Variants in LGR6 observed in about 807,000 individuals in gnomAD.
LGR6 encodes the protein leucine-rich repeat-containing G protein-coupled receptor 6.
A neutral mutation model predicts 69.4 loss-of-function variants in LGR6; 45 were observed. The observed-to-expected ratio is 0.65, with a 90% CI of 0.51 to 0.83. The LOEUF (loss-of-function observed/expected upper bound fraction) is 0.83. LGR6 is among the 40% of genes least tolerant of loss of function. The pLI is 0.00. For synonymous variants in LGR6, 538 were observed against 555.0 expected, an observed-to-expected ratio of 0.97 and a Z score of 0.43; for missense variants, 1,108 against 1,246.7, an observed-to-expected ratio of 0.89 and a Z score of 1.68.
chr1:202,252,376 C>G (rs1184317072), intron 4 of LGR6, among the ~76,000 whole-genome samples: 1 of 152,204 alleles, frequency 6.6e-6, no homozygotes, highest in Non-Finnish European at 1.5e-5. Context: ...TTCCATCTGA[C>G]TCTGGGCCTG....
At chr1:202,237,034 C>T (rs1661623567) in intron 4 of LGR6, among the ~76,000 whole-genome samples, 1 of 152,168 alleles carries the variant, frequency 6.6e-6, no homozygotes, top group Non-Finnish European at 1.5e-5. Context: ...AGCTGTGCCA[C>T]ACCCCCCGTG....
intron 6 of LGR6, among the ~76,000 whole-genome samples, chr1:202,286,330 G>T (rs1337646655): frequency 6.6e-6 from 1 of 152,200 alleles, no homozygotes; most frequent in Non-Finnish European, 1.5e-5. Flanking sequence ...CAAGGTAAGT[G>T]CTGATCATCC....
chr1:202,195,389 C>T (rs1370898119), intron 1 of LGR6, among the ~76,000 whole-genome samples: 1 of 152,194 alleles, frequency 6.6e-6, no homozygotes, highest in African/African-American at 2.4e-5. Flanking sequence ...GGCAACTCTT[C>T]ATGGGGCTCC....
intron 4 of LGR6, among the ~76,000 whole-genome samples, chr1:202,271,788 A>G (rs1336967899): frequency 6.8e-6 from 1 of 148,074 alleles, no homozygotes; most frequent in Admixed American, 6.8e-5. Context: ...AGCCTGGGCA[A>G]TAAGAGTGAA....
chr1:202,282,982 C>A (rs1666124217), intron 6 of LGR6, among the ~76,000 whole-genome samples: 1 of 152,220 alleles, frequency 6.6e-6, no homozygotes, highest in African/African-American at 2.4e-5. Flanking sequence ...GGTACAGTGC[C>A]ACTTCTACCA....
intron 10 of LGR6, 23 bp from the exon 11 acceptor site, chr1:202,304,536 C>T (rs1272679884): frequency 2.5e-6 from 4 of 1,584,804 alleles, no homozygotes; most frequent in Non-Finnish European, 3.5e-6. Flanking sequence ...CTGGTGCCAG[C>T]TCTGTCTCTG....
At chr1:202,293,292 A>G (rs1208533135) in intron 6 of LGR6, among the ~76,000 whole-genome samples, 1 of 152,100 alleles carries the variant, frequency 6.6e-6, no homozygotes, top group Non-Finnish European at 1.5e-5. Context: ...CACTTCCTCT[A>G]AGTCATGCTC....
At chr1:202,219,321 G>A (rs1659992019) in intron 1 of LGR6, among the ~76,000 whole-genome samples, 4 of 152,224 alleles carry the variant, frequency 2.6e-5, no homozygotes, top group African/African-American at 9.6e-5. Flanking sequence ...GGCCCTCATG[G>A]GGAGGGGTTG....
Position 202,318,258 on chromosome 1 carries a change from G to A in LGR6, c.1955G>A (p.Gly652Glu). Residue 652 changes from glycine to glutamate, a missense_variant, in exon 18 of 18, where the codon GGG becomes GAG. Physicochemically the swap from Gly to Glu is moderately conservative, Grantham distance 98. Coordinates refer to ENST00000367278, the MANE Select transcript of LGR6 (RefSeq NM_001017403.2). ...CRATGFLAVL[G>E]SEASVLLLTL... ...GCCACTGGCTTCCTGGCAGTACTTG[G>A]GTCGGAGGCATCGGTGCTGCTGCTC... 6.2e-7 allele frequency: 1 copy of A among 1,610,106 alleles called. No individual in the cohort carries two copies. The highest frequency in any genetic ancestry group is 8.5e-7 in the Non-Finnish European group (1 of 1,178,094).
At chr1:202,303,022 G>T (rs1215968487) in intron 9 of LGR6, among the ~76,000 whole-genome samples, 1 of 152,160 alleles carries the variant, frequency 6.6e-6, no homozygotes, top group East Asian at 1.9e-4. Flanking sequence ...GCAAGCTGAA[G>T]CGTGAATGCT....
At chr1:202,313,872 G>A (rs377460806) in intron 16 of LGR6, among the ~76,000 whole-genome samples, 1 of 152,146 alleles carries the variant, frequency 6.6e-6, no homozygotes, top group East Asian at 1.9e-4. Flanking sequence ...CTTCTAGCTA[G>A]TAAATAAATC....
intron 4 of LGR6, among the ~76,000 whole-genome samples, chr1:202,243,662 T>C (rs1261057108): frequency 6.6e-6 from 1 of 152,076 alleles, no homozygotes; most frequent in Non-Finnish European, 1.5e-5. Context: ...AGGAGGATCT[T>C]GTGGTGACAG....
At chr1:202,305,632 C>T in intron 11 of LGR6, 52 bp from the exon 12 acceptor site, 2 of 1,517,290 alleles carry the variant, frequency 1.3e-6, no homozygotes, top group Non-Finnish European at 1.8e-6. Flanking sequence ...CCCCGAGCAG[C>T]CCTCAGATAG....
intron 4 of LGR6, among the ~76,000 whole-genome samples, chr1:202,238,572 GGCTACCACGCCCGTC>G (rs1661828035): frequency 6.6e-6 from 1 of 151,418 alleles, no homozygotes; most frequent in African/African-American, 2.4e-5. Flanking sequence ...TACAGGCGTG[GGCTACCACGCCCGTC>G]TAATTTTTAT....
intron 4 of LGR6, among the ~76,000 whole-genome samples, chr1:202,263,592 G>A (rs1175779656): frequency 2.0e-5 from 3 of 152,250 alleles, no homozygotes; most frequent in East Asian, 3.9e-4. Flanking sequence ...GCTTCAGCAC[G>A]GGGGTGTGGG....
chr1:202,268,304 C>T lies in LGR6; in HGVS notation c.429-8002C>T, dbSNP rs917542643. Among the ~76,000 whole-genome samples, 4 of 152,196 alleles carry T rather than the reference C, an allele frequency of 2.6e-5. No individual in the cohort carries two copies. Among genetic ancestry groups the T allele is most frequent in the Non-Finnish European group, 5.9e-5 (4 of 68,030 alleles). ...CCGCCTATGGAAGGCCCAAGGGCAT[C>T]TCCTCACTGCTCGGCAGGTGCCAGC... On this transcript the variant is annotated intron_variant, in intron 4 of 17. Transcript: ENST00000367278. The surrounding 1 kb of genome is among the most constrained non-coding windows in gnomAD (Gnocchi z 4.4).
chr1:202,313,206 A>G (rs1045607260), intron 16 of LGR6, among the ~76,000 whole-genome samples: 1 of 151,860 alleles, frequency 6.6e-6, no homozygotes, highest in African/African-American at 2.4e-5. Flanking sequence ...CAGCCTGGGC[A>G]ACAGAGCGAG....
intron 9 of LGR6, among the ~76,000 whole-genome samples, chr1:202,301,926 G>A (rs964894289): frequency 1.3e-5 from 2 of 152,206 alleles, no homozygotes; most frequent in African/African-American, 4.8e-5. Context: ...GACTGAGGCA[G>A]AGGACTCGCT....
At chr1:202,249,459 G>A (rs185557588) in intron 4 of LGR6, among the ~76,000 whole-genome samples, 1 of 152,222 alleles carries the variant, frequency 6.6e-6, no homozygotes, top group East Asian at 1.9e-4. Flanking sequence ...TCTGCCCATG[G>A]ACTCAGTAAC....
Sources: gnomAD v4.1 joint callset for allele counts (sites outside exome capture counted in the v4.1 genomes callset) on GRCh38, gnomAD v4.1.1 for gene constraint, Gnocchi (gnomAD v3.1) non-coding constraint, MANE v1.5 for transcripts, NCBI Gene and HGNC (gene_info 2026-07-23, HGNC 2026-07-21) for gene names.